SLC38A8: variants seen among roughly 807,000 people sequenced by gnomAD.
SLC38A8 encodes the protein solute carrier family 38 member 8, also known as amino acid transporter SLC38A8.
A neutral mutation model predicts 46.0 loss-of-function variants in SLC38A8; 65 were observed. That is an observed-to-expected ratio of 1.41 (90% CI 1.16 to 1.74). The LOEUF is 1.74. SLC38A8 is among the 40% of genes most tolerant of loss of function. SLC38A8 has a pLI of 0.00. For synonymous variants in SLC38A8, 447 were observed against 243.7 expected (o/e 1.83, Z -7.77); for missense variants, 998 against 567.9 (o/e 1.76, Z -7.70).
chr16:84,011,943 C>A (rs554556079), intron 10 of SLC38A8, among the ~76,000 whole-genome samples: 1 of 152,250 alleles, frequency 6.6e-6, no homozygotes, highest in East Asian at 1.9e-4. Context: ...AGGGAGAAAG[C>A]TAAATAATGA....
At chr16:84,013,567 A>G (rs1017835320) in intron 9 of SLC38A8, among the ~76,000 whole-genome samples, 39 of 150,494 alleles carry the variant, frequency 2.6e-4, no homozygotes, top group African/African-American at 9.3e-4. Flanking sequence ...AGTAGCTGGG[A>G]CTACAGGTGC....
chr16:84,035,813 G>A (rs914937685), intron 3 of SLC38A8, among the ~76,000 whole-genome samples: 1 of 152,218 alleles, frequency 6.6e-6, no homozygotes, highest in Non-Finnish European at 1.5e-5. Flanking sequence ...GACAGAATAG[G>A]CTAATCTGCA....
intron 6 of SLC38A8, among the ~76,000 whole-genome samples, chr16:84,027,474 G>C (rs2085178942): frequency 6.6e-6 from 1 of 152,230 alleles, no homozygotes; most frequent in Non-Finnish European, 1.5e-5. Context: ...TGACTGGACA[G>C]GCCTGGGGCG....
intron 2 of SLC38A8, among the ~76,000 whole-genome samples, chr16:84,041,556 G>A (rs371183845): frequency 3.9e-5 from 6 of 152,266 alleles, no homozygotes; most frequent in Non-Finnish European, 5.9e-5. Flanking sequence ...CAGGTGATCC[G>A]TCCACCTTGG....
intron 3 of SLC38A8, among the ~76,000 whole-genome samples, chr16:84,033,923 C>CA (rs138997048): frequency 0.03 from 4,605 of 152,280 alleles, 232 homozygotes; most frequent in African/African-American, 0.11. Context: ...CACATGACCC[C>CA]AAATGCAGTG....
chr16:84,012,438 G>A (rs539552627), intron 10 of SLC38A8, among the ~76,000 whole-genome samples: 2 of 152,220 alleles, frequency 1.3e-5, no homozygotes, highest in African/African-American at 4.8e-5. Context: ...CCAGGCAGGT[G>A]GGTTAGCATG....
rs1355682465 is a variant in SLC38A8, at chr16:84,029,517, G to A, written c.667C>T (p.Pro223Ser). 3.1e-6 allele frequency: 5 copies of A among 1,614,094 alleles called. No individual in the cohort carries two copies. In the East Asian group the frequency reaches 6.7e-5, roughly 22 times the overall value. ...ASWTSVFSVF[P>S]TICFGFQCHE... is the part of the protein sequence containing the mutation. ...ACCTGAAACCCGAAGCAGATGGTGG[G>A]GAAGACACTGAACACAGAGGTCCAG... Residue 223 changes from proline to serine, a missense_variant, in exon 6 of 11, where the codon CCC becomes TCC. Pro to Ser is a moderately conservative substitution (Grantham distance 74). Transcript: ENST00000299709.
intron 2 of SLC38A8, 77 bp downstream of exon 2, chr16:84,041,892 G>C (rs1208823898): frequency 7.6e-7 from 1 of 1,321,140 alleles, no homozygotes; most frequent in Non-Finnish European, 1.0e-6. Flanking sequence ...CTCCGCAGAA[G>C]CAATGCGAGG....
intron 7 of SLC38A8, among the ~76,000 whole-genome samples, chr16:84,022,423 A>G (rs1029060995): frequency 2.0e-5 from 3 of 152,170 alleles, no homozygotes; most frequent in African/African-American, 7.2e-5. Context: ...CCCTACCCAG[A>G]TGTTACAGTG....
intron 3 of SLC38A8, among the ~76,000 whole-genome samples, chr16:84,036,112 C>T (rs575763718): frequency 2.6e-5 from 4 of 152,150 alleles, no homozygotes; most frequent in South Asian, 4.1e-4. Context: ...AAATTAAGGT[C>T]GAAACCGTGA....
At chr16:84,029,602 C>A (rs1339728117) in intron 5 of SLC38A8, 51 bp from the exon 6 acceptor site, 1 of 1,568,534 alleles carries the variant, frequency 6.4e-7, no homozygotes, top group Non-Finnish European at 8.8e-7. Context: ...ACACCCGGAA[C>A]AACCTGCGGC....
intron 5 of SLC38A8, among the ~76,000 whole-genome samples, chr16:84,029,998 C>G (rs1015397568): frequency 4.6e-5 from 7 of 152,200 alleles, no homozygotes; most frequent in African/African-American, 1.7e-4. Context: ...GGTCCAGCCT[C>G]TTGGGATCCC....
In SLC38A8 at chr16:84,023,450, C is replaced by T. The variant is rs573878593; in HGVS notation, c.691-561G>A. On this transcript the variant is annotated intron_variant, in intron 6 of 10. Coordinates refer to ENST00000299709, the MANE Select transcript of SLC38A8 (RefSeq NM_001080442.3). ...TGTTCCGTTTTCTTAAGATTTTGAG[C>T]GTTATTCCCAACAGAACCCACATGC... 4.1e-4 allele frequency among the ~76,000 whole-genome samples: 62 copies of T among 152,136 alleles called. No individual in the cohort carries two copies. The South Asian group carries it at 5.6e-3, about 14-fold the overall frequency.
At chr16:84,017,812 T>C (rs1194333624) in intron 7 of SLC38A8, among the ~76,000 whole-genome samples, 1 of 152,188 alleles carries the variant, frequency 6.6e-6, no homozygotes, top group Non-Finnish European at 1.5e-5. Context: ...TGCCCTGTCC[T>C]GAGAGATAGG....
intron 7 of SLC38A8, among the ~76,000 whole-genome samples, chr16:84,021,880 C>G (rs555619000): frequency 7.2e-5 from 11 of 152,182 alleles, no homozygotes; most frequent in Non-Finnish European, 1.6e-4. Context: ...TTTGCAGAGC[C>G]CTGAAGTGGC....
At chr16:84,030,866 C>T (rs1391305015) in intron 5 of SLC38A8, among the ~76,000 whole-genome samples, 2 of 147,252 alleles carry the variant, frequency 1.4e-5, no homozygotes, top group South Asian at 2.3e-4. Flanking sequence ...ACGAGCCAGC[C>T]CTGCCACTGG....
chr16:84,028,566 AAAAGAAAAAAAAAAAAAG>A (rs2085194646), intron 6 of SLC38A8, among the ~76,000 whole-genome samples: 1 of 113,854 alleles, frequency 8.8e-6, no homozygotes, highest in Admixed American at 8.7e-5. Context: ...CCAACTCAAA[AAAAGAAAAAAAAAAAAAG>A]AAAGAAATGG....
At chr16:84,020,449 G>A (rs1022212030) in intron 7 of SLC38A8, among the ~76,000 whole-genome samples, 2 of 152,184 alleles carry the variant, frequency 1.3e-5, no homozygotes, top group Admixed American at 6.5e-5. Flanking sequence ...CACCTGGCCT[G>A]AAGAACATCT....
At chr16:84,026,978 T>C (rs552737230) in intron 6 of SLC38A8, among the ~76,000 whole-genome samples, 2 of 152,298 alleles carry the variant, frequency 1.3e-5, no homozygotes, top group Non-Finnish European at 2.9e-5. Flanking sequence ...CTGACTGTAC[T>C]AAAATCCATT....
Sources: allele counts gnomAD v4.1 joint callset (sites outside exome capture counted in the v4.1 genomes callset), GRCh38; gene constraint gnomAD v4.1.1; transcripts MANE v1.5; gene names NCBI Gene and HGNC (gene_info 2026-07-23, HGNC 2026-07-21).